Variants in SLC24A3 observed in about 807,000 individuals in gnomAD.
SLC24A3 encodes solute carrier family 24 member 3.
In SLC24A3, 28 loss-of-function variants were observed where a neutral mutation model predicts 75.8. The ratio of observed to expected loss-of-function variants is 0.37; its 90% CI spans 0.27 to 0.51. The LOEUF is 0.51. SLC24A3 is among the 20% of genes least tolerant of loss of function. SLC24A3 has a pLI of 0.94. For synonymous variants in SLC24A3, 372 were observed against 334.1 expected (o/e 1.11, Z -1.24); for missense variants, 663 against 847.8 (o/e 0.78, Z 2.71).
chr20:19,536,898 T>C (rs1362823584), intron 3 of SLC24A3, among the ~76,000 whole-genome samples: 13 of 152,292 alleles, frequency 8.5e-5, no homozygotes, highest in African/African-American at 3.1e-4. Flanking sequence ...AAGACTTACA[T>C]GTTACACCTA....
At chr20:19,317,539 C>A (rs1381878916) in intron 2 of SLC24A3, among the ~76,000 whole-genome samples, 1 of 152,226 alleles carries the variant, frequency 6.6e-6, no homozygotes, top group Non-Finnish European at 1.5e-5. Context: ...ATGGGCCATG[C>A]CTTCTCAGGC....
chr20:19,220,383 C>T (rs1981672226), intron 1 of SLC24A3, among the ~76,000 whole-genome samples: 1 of 152,138 alleles, frequency 6.6e-6, no homozygotes, highest in Non-Finnish European at 1.5e-5. Context: ...TTGATCTCAG[C>T]AAAAGTCATT....
intron 8 of SLC24A3, among the ~76,000 whole-genome samples, chr20:19,667,408 C>T (rs1249836951): frequency 6.6e-6 from 1 of 152,168 alleles, no homozygotes; most frequent in Non-Finnish European, 1.5e-5. Flanking sequence ...ATTTTTCCCC[C>T]CTGTCCTTGG....
chr20:19,242,244 T>A (rs543511528), intron 1 of SLC24A3: 1 of 152,342 alleles, frequency 6.6e-6, no homozygotes, highest in Admixed American at 6.5e-5. Context: ...GGGCCTTGGC[T>A]TAAGCTGGAG....
chr20:19,650,901 T>C (rs1600321449), intron 6 of SLC24A3, among the ~76,000 whole-genome samples: 2 of 152,208 alleles, frequency 1.3e-5, no homozygotes, highest in Non-Finnish European at 2.9e-5. Flanking sequence ...AATTATCAAC[T>C]GTTTCATCAA....
chr20:19,696,821 G>A lies in SLC24A3; in HGVS notation c.1516G>A (p.Gly506Arg). 6.2e-7 allele frequency: 1 copy of A among 1,614,014 alleles called. No individual in the cohort carries two copies. The highest frequency in any genetic ancestry group is 8.5e-7 in the Non-Finnish European group (1 of 1,179,966). Residue 506 changes from glycine (G) to arginine (R), a missense_variant, in exon 14 of 17, where the codon GGG (glycine) becomes AGG (arginine). Gly to Arg is a moderately radical substitution (Grantham distance 125, BLOSUM62 -2). This residue lies in a region of SLC24A3 where 510 missense variants were observed against 703.6 expected (regional missense o/e 0.72). Transcript: ENST00000328041. Reference sequence around the variant, plus strand: ...GGTCACAATCATTGGTTACACCCTGGGGATTCCTGACGTCATCATGGGGAT... The same window carrying A: ...GGTCACAATCATTGGTTACACCCTGAGGATTCCTGACGTCATCATGGGGAT... Reference protein sequence around the residue: ...WMVTIIGYTLGIPDVIMGITF... With the variant: ...WMVTIIGYTLRIPDVIMGITF...
rs200326667 is a variant in SLC24A3 at position 19,624,687 on chromosome 20, AT to A, written c.613-29374del. 5.2e-3 allele frequency among the ~76,000 whole-genome samples: 794 copies of A among 152,328 alleles called. 5 individuals are homozygous for A. The highest frequency in any genetic ancestry group is 0.018 in the African/African-American group (750 of 41,570). On this transcript the variant is annotated intron_variant, in intron 6 of 16. Transcript: ENST00000328041. The stretch of plus-strand genomic sequence containing the variant: ...ATCAAGGGGCTGGGAATCACATTCT[AT>A]ACTTTACAGGAAAAATTATATAGTT...
At chr20:19,230,203 C>T (rs988078055) in intron 1 of SLC24A3, among the ~76,000 whole-genome samples, 5 of 152,206 alleles carry the variant, frequency 3.3e-5, no homozygotes, top group Non-Finnish European at 7.4e-5. Flanking sequence ...CCTTCAGCGC[C>T]CTCACCACTC....
chr20:19,336,104 T>C (rs1019043076), intron 2 of SLC24A3, among the ~76,000 whole-genome samples: 2 of 152,182 alleles, frequency 1.3e-5, no homozygotes, highest in South Asian at 4.1e-4. Flanking sequence ...AAGACTTTAA[T>C]AGACTACTTG....
intron 6 of SLC24A3, among the ~76,000 whole-genome samples, chr20:19,611,099 G>T (rs2031665748): frequency 6.6e-6 from 1 of 152,224 alleles, no homozygotes; most frequent in Non-Finnish European, 1.5e-5. Context: ...AGGATGGCAG[G>T]AAGGGGTCCT....
intron 1 of SLC24A3, among the ~76,000 whole-genome samples, chr20:19,221,006 C>T (rs1981695135): frequency 1.3e-5 from 2 of 152,208 alleles, no homozygotes; most frequent in Non-Finnish European, 2.9e-5. Flanking sequence ...TTTTCTGCTT[C>T]ATTTTCTAAG....
intron 1 of SLC24A3, among the ~76,000 whole-genome samples, chr20:19,250,406 T>C (rs1185306948): frequency 6.6e-6 from 1 of 152,228 alleles, no homozygotes; most frequent in South Asian, 2.1e-4. Flanking sequence ...AATCAGCTAA[T>C]GGACACAGTC....
At chr20:19,491,834 G>A (rs960711440) in intron 2 of SLC24A3, among the ~76,000 whole-genome samples, 3 of 152,192 alleles carry the variant, frequency 2.0e-5, no homozygotes, top group Non-Finnish European at 4.4e-5. Flanking sequence ...CAGGTACTCA[G>A]TGTGAATTCT....
At chr20:19,371,230 C>G (rs1046155544) in intron 2 of SLC24A3, among the ~76,000 whole-genome samples, 15 of 152,128 alleles carry the variant, frequency 9.9e-5, no homozygotes, top group African/African-American at 3.6e-4. Context: ...TATAGGCCAA[C>G]TGGGAGGTAG....
chr20:19,631,082 G>A (rs2031927046), intron 6 of SLC24A3, among the ~76,000 whole-genome samples: 1 of 152,200 alleles, frequency 6.6e-6, no homozygotes, highest in South Asian at 2.1e-4. Flanking sequence ...AGTGGCTCAT[G>A]CCTGTAATTG....
At chr20:19,591,448 G>C (rs1193462219) in intron 6 of SLC24A3, among the ~76,000 whole-genome samples, 1 of 151,870 alleles carries the variant, frequency 6.6e-6, no homozygotes, top group East Asian at 1.9e-4. Context: ...CCCCATTGTT[G>C]TGATTCTTTT....
intron 3 of SLC24A3, among the ~76,000 whole-genome samples, chr20:19,574,079 G>C (rs1240780946): frequency 6.6e-6 from 1 of 152,190 alleles, no homozygotes. Context: ...TTGAGTTGGT[G>C]CTGCACACAT....
intron 3 of SLC24A3, among the ~76,000 whole-genome samples, chr20:19,549,191 G>A (rs531645992): frequency 6.6e-6 from 1 of 152,350 alleles, no homozygotes; most frequent in Admixed American, 6.5e-5. Flanking sequence ...AACTGCAAGG[G>A]ATGCTGGGAC....
intron 6 of SLC24A3, among the ~76,000 whole-genome samples, chr20:19,653,532 C>T (rs542881286): frequency 1.3e-5 from 2 of 152,348 alleles, no homozygotes; most frequent in African/African-American, 4.8e-5. Flanking sequence ...ACATGTTGCT[C>T]ACTCCACGGG....
Sources: gnomAD v4.1 joint callset for allele counts (sites outside exome capture counted in the v4.1 genomes callset) on GRCh38, gnomAD v4.1.1 for gene constraint, gnomAD v4.1.1 regional missense constraint, MANE v1.5 for transcripts, NCBI Gene and HGNC (gene_info 2026-07-23, HGNC 2026-07-21) for gene names.